Variants in SLC75A1 observed in about 807,000 individuals in gnomAD.
SLC75A1 encodes the protein major facilitator superfamily domain containing 10.
the SLC75A1 span, chr4:2,932,062 T>C: frequency 3.2e-5 from 51 of 1,610,334 alleles, no homozygotes; most frequent in Non-Finnish European, 4.1e-5. Context: ...AGAGGGTGGG[T>C]CCTGGCCACG....
chr4:2,933,748 C>A, the SLC75A1 span: 1 of 1,602,758 alleles, frequency 6.2e-7, no homozygotes, highest in Non-Finnish European at 8.5e-7. Context: ...AGGGCAAGGA[C>A]TCACGTGGGC....
At chr4:2,931,072 A>T in the SLC75A1 span, 1 of 1,603,900 alleles carries the variant, frequency 6.2e-7, no homozygotes, top group Non-Finnish European at 8.5e-7. Flanking sequence ...TGAAGCGGCC[A>T]CCAGGGGCCC....
chr4:2,930,952 C>A, the SLC75A1 span: 1 of 1,613,050 alleles, frequency 6.2e-7, no homozygotes, highest in Admixed American at 1.7e-5. Flanking sequence ...CCAGCCAGTA[C>A]ACTGCGGAGA....
chr4:2,932,767 G>C, the SLC75A1 span: 40 of 1,548,320 alleles, frequency 2.6e-5, no homozygotes, highest in African/African-American at 5.4e-4. Flanking sequence ...ATCTGCCCAG[G>C]GGCAGGGGCC....
At chr4:2,933,290 C>A in the SLC75A1 span, 8 of 1,379,008 alleles carry the variant, frequency 5.8e-6, no homozygotes, top group Non-Finnish European at 8.1e-6. Context: ...AATGTCCAGC[C>A]CCGTCCTGAG....
At chr4:2,933,865 G>T in the SLC75A1 span, 3 of 1,583,904 alleles carry the variant, frequency 1.9e-6, no homozygotes, top group South Asian at 3.4e-5. Flanking sequence ...GCGGCGCTCC[G>T]GCGGCTGCTG....
At chr4:2,934,044 G>C in the SLC75A1 span, 12 of 1,097,704 alleles carry the variant, frequency 1.1e-5, no homozygotes, top group Middle Eastern at 3.0e-4. Flanking sequence ...TAAAGGGGCT[G>C]ATGGCAGGGG....
At chr4:2,933,153 C>A in the SLC75A1 span, 12 of 1,613,564 alleles carry the variant, frequency 7.4e-6, no homozygotes, top group African/African-American at 1.6e-4. Context: ...TCAGAGGTGG[C>A]CCCAGTGAGT....
chr4:2,931,573 T>C, the SLC75A1 span: 1 of 1,612,708 alleles, frequency 6.2e-7, no homozygotes, highest in Non-Finnish European at 8.5e-7. Context: ...CGGCAGCAAC[T>C]TCCCCGCCAG....
chr4:2,931,095 C>G, the SLC75A1 span: 1 of 1,595,446 alleles, frequency 6.3e-7, no homozygotes, highest in South Asian at 1.1e-5. Flanking sequence ...CGGCCCTGGC[C>G]AGAGCACCTA....
At chr4:2,932,668 C>T in the SLC75A1 span, 5 of 1,611,520 alleles carry the variant, frequency 3.1e-6, no homozygotes, top group East Asian at 1.1e-4. Flanking sequence ...CTGACGTTCC[C>T]TTTGCTGATG....
the SLC75A1 span, chr4:2,933,848 T>G: frequency 1.3e-6 from 2 of 1,588,784 alleles, no homozygotes; most frequent in South Asian, 1.1e-5. Flanking sequence ...AAGACAACGG[T>G]GACCACGCGG....
At chr4:2,931,332 C>G in the SLC75A1 span, 2 of 1,543,774 alleles carry the variant, frequency 1.3e-6, no homozygotes. Context: ...ATCACCCAGC[C>G]CCTGCTGCCC....
chr4:2,931,395 C>T, the SLC75A1 span: 1 of 1,550,798 alleles, frequency 6.4e-7, no homozygotes, highest in South Asian at 1.2e-5. Context: ...GAGCAGCAGC[C>T]CCAGGCCCAG....
At chr4:2,932,654 G>C in the SLC75A1 span, 1 of 1,612,552 alleles carries the variant, frequency 6.2e-7, no homozygotes, top group Non-Finnish European at 8.5e-7. Context: ...TGGCCGTGGA[G>C]AGGCTGACGT....
the SLC75A1 span, chr4:2,932,160 G>A: frequency 3.8e-6 from 6 of 1,599,310 alleles, no homozygotes; most frequent in Non-Finnish European, 4.3e-6. Context: ...GCGCCTGTGG[G>A]GATGGCATTG....
chr4:2,930,956 G>T, the SLC75A1 span: 7 of 1,612,916 alleles, frequency 4.3e-6, no homozygotes, highest in Non-Finnish European at 5.1e-6. Context: ...CCAGTACACT[G>T]CGGAGAGACG....
the SLC75A1 span, chr4:2,931,125 G>A: frequency 2.5e-6 from 4 of 1,579,272 alleles, no homozygotes; most frequent in South Asian, 4.6e-5. Context: ...GTGTACCCAT[G>A]ACCGTGCCCT....
chr4:2,933,184 G>A, the SLC75A1 span: 3 of 1,613,664 alleles, frequency 1.9e-6, no homozygotes, highest in African/African-American at 2.7e-5. Flanking sequence ...GAAACTGCAG[G>A]ACAGAGAATG....
Sources: allele counts gnomAD v4.1 joint callset, GRCh38; gene constraint gnomAD v4.1.1; transcripts MANE v1.5; gene names NCBI Gene and HGNC (gene_info 2026-07-23, HGNC 2026-07-21).